KHDRBS2: variants seen among roughly 807,000 people sequenced by gnomAD.
KHDRBS2 encodes KH domain-containing, RNA-binding, signal transduction-associated protein 2.
KHDRBS2 carries 26 observed loss-of-function variants against 44.3 expected under a neutral mutation model. The observed-to-expected ratio is 0.59, with a 90% CI of 0.43 to 0.81. The LOEUF is 0.81. Ranked by LOEUF, KHDRBS2 falls within the 40% of genes least tolerant of loss-of-function variation. The pLI, the probability that KHDRBS2 is intolerant of heterozygous loss-of-function variation, is 0.00. For missense variants in KHDRBS2, 476 were observed against 433.1 expected (o/e 1.10, Z -0.88); for synonymous variants, 194 against 151.1 (o/e 1.28, Z -2.08).
chr6:61,945,345 G>A (rs897672026), intron 4 of KHDRBS2, among the ~76,000 whole-genome samples: 4 of 150,768 alleles, frequency 2.7e-5, no homozygotes, highest in African/African-American at 9.7e-5. Flanking sequence ...TTTTTAAAAA[G>A]ATATAATTAT....
chr6:61,955,227 TAC>T (rs1249407168), intron 4 of KHDRBS2, among the ~76,000 whole-genome samples: 2 of 145,862 alleles, frequency 1.4e-5, no homozygotes, highest in Non-Finnish European at 3.0e-5. Context: ...TGTGTATATA[TAC>T]ACATACGTAT....
At chr6:62,173,849 A>G (rs1820558291) in intron 2 of KHDRBS2, among the ~76,000 whole-genome samples, 1 of 152,070 alleles carries the variant, frequency 6.6e-6, no homozygotes, top group African/African-American at 2.4e-5. Flanking sequence ...AATTATTTCA[A>G]TAAAATTCAA....
chr6:61,683,450 C>T (rs1766513487), intron 8 of KHDRBS2, among the ~76,000 whole-genome samples: 1 of 151,718 alleles, frequency 6.6e-6, no homozygotes, highest in South Asian at 2.1e-4. Context: ...AATTCAATGC[C>T]TAGTTAGGGC....
At chr6:61,730,150 C>T (rs953527094) in intron 7 of KHDRBS2, among the ~76,000 whole-genome samples, 1 of 152,048 alleles carries the variant, frequency 6.6e-6, no homozygotes, top group African/African-American at 2.4e-5. Context: ...TTACTGAGAA[C>T]CTCTAGTGTT....
intron 4 of KHDRBS2, among the ~76,000 whole-genome samples, chr6:61,955,392 G>GTATACATATA (rs1562519091): frequency 4.6e-5 from 4 of 86,580 alleles, no homozygotes; most frequent in Admixed American, 1.1e-4. Context: ...ACATACGTAT[G>GTATACATATA]TGTATGTATA....
At chr6:61,880,993 G>C (rs1417535918) in intron 6 of KHDRBS2, among the ~76,000 whole-genome samples, 1 of 151,878 alleles carries the variant, frequency 6.6e-6, no homozygotes, top group Non-Finnish European at 1.5e-5. Flanking sequence ...GATGTGGCAG[G>C]GATTGTGTGC....
At chr6:61,719,276 T>A (rs1290912026) in intron 7 of KHDRBS2, among the ~76,000 whole-genome samples, 1 of 152,172 alleles carries the variant, frequency 6.6e-6, no homozygotes, top group Non-Finnish European at 1.5e-5. Flanking sequence ...TTGGCTTTTA[T>A]TTGCAATATT....
intron 6 of KHDRBS2, among the ~76,000 whole-genome samples, chr6:61,774,687 T>C (rs932431048): frequency 8.5e-5 from 13 of 152,118 alleles, no homozygotes; most frequent in African/African-American, 2.4e-5. Context: ...ACCAGATGGA[T>C]TCACAGCCGA....
chr6:61,772,485 C>G (rs1403489314), intron 6 of KHDRBS2, among the ~76,000 whole-genome samples: 2 of 152,120 alleles, frequency 1.3e-5, no homozygotes, highest in Admixed American at 1.3e-4. Context: ...GGGGATATCA[C>G]CACCGATCCC....
chr6:62,167,940 T>C (rs1178952372), intron 2 of KHDRBS2, among the ~76,000 whole-genome samples: 1 of 152,132 alleles, frequency 6.6e-6, no homozygotes, highest in Non-Finnish European at 1.5e-5. Context: ...CATCAAGTAC[T>C]TGGACTTGGG....
intron 7 of KHDRBS2, among the ~76,000 whole-genome samples, chr6:61,702,460 C>T (rs568018165): frequency 1.3e-5 from 2 of 152,032 alleles, no homozygotes; most frequent in South Asian, 4.1e-4. Flanking sequence ...GTGAGACATC[C>T]TTATTATGGA....
chr6:61,714,569 A>T (rs1401769960), intron 7 of KHDRBS2, among the ~76,000 whole-genome samples: 3 of 151,948 alleles, frequency 2.0e-5, no homozygotes, highest in African/African-American at 7.2e-5. Flanking sequence ...AAATCATTTT[A>T]TATATACGTA....
intron 2 of KHDRBS2, among the ~76,000 whole-genome samples, chr6:62,161,493 T>C (rs1045952266): frequency 2.8e-5 from 4 of 144,438 alleles, no homozygotes; most frequent in African/African-American, 1.0e-4. Flanking sequence ...TTAAAGTATA[T>C]GTGAGAATTG....
At chr6:61,715,639 T>C (rs1582341187) in intron 7 of KHDRBS2, among the ~76,000 whole-genome samples, 1 of 152,098 alleles carries the variant, frequency 6.6e-6, no homozygotes, top group East Asian at 1.9e-4. Context: ...CCATGCTCCC[T>C]CATGTCCTCT....
the KHDRBS2 span, among the ~76,000 whole-genome samples, chr6:61,648,575 TC>T: frequency 6.6e-6 from 1 of 152,106 alleles, no homozygotes; most frequent in Non-Finnish European, 1.5e-5. Context: ...ACGTTCTGCC[TC>T]CAAGGACAGC....
At chr6:61,900,122 T>C (rs1036320848) in intron 5 of KHDRBS2, among the ~76,000 whole-genome samples, 23 of 152,164 alleles carry the variant, frequency 1.5e-4, no homozygotes, top group Non-Finnish European at 2.8e-4. Context: ...TTTAGTGAAA[T>C]AGAATTTCCA....
At chr6:62,140,808 A>C (rs1217391652) in intron 2 of KHDRBS2, among the ~76,000 whole-genome samples, 1 of 152,164 alleles carries the variant, frequency 6.6e-6, no homozygotes, top group Non-Finnish European at 1.5e-5. Context: ...TATAAAGAGA[A>C]ATTGGTGAAT....
At chr6:61,756,597 G>C (rs1778522676) in intron 6 of KHDRBS2, among the ~76,000 whole-genome samples, 1 of 152,134 alleles carries the variant, frequency 6.6e-6, no homozygotes, top group Admixed American at 6.5e-5. Flanking sequence ...TTACATATGA[G>C]TAATCTTGGA....
intron 4 of KHDRBS2, 129 bp from the exon 5 acceptor site, chr6:61,901,500 T>C (rs1296328867): frequency 1.5e-5 from 10 of 674,700 alleles, no homozygotes; most frequent in Non-Finnish European, 2.2e-5. Flanking sequence ...TGGAACTTTA[T>C]ATGCAAAAAT....
Sources: allele counts gnomAD v4.1 joint callset (sites outside exome capture counted in the v4.1 genomes callset), GRCh38; gene constraint gnomAD v4.1.1; transcripts MANE v1.5; gene names NCBI Gene and HGNC (gene_info 2026-07-23, HGNC 2026-07-21).